The following CEP112 variants were observed in gnomAD, a reference collection of about 807,000 sequenced individuals.
CEP112 encodes the protein centrosomal protein 112.
CEP112 carries 127 observed loss-of-function variants against 153.0 expected under a neutral mutation model. The ratio of observed to expected loss-of-function variants is 0.83; its 90% CI spans 0.72 to 0.96. The LOEUF is 0.96. Ranked by LOEUF, CEP112 falls within the 40% of genes least tolerant of loss-of-function variation. CEP112 has a pLI of 0.00. For synonymous variants in CEP112, 358 were observed against 374.4 expected (o/e 0.96, Z 0.51); for missense variants, 1,089 against 1,101.2 (o/e 0.99, Z 0.16).
intron 21 of CEP112, chr17:65,797,324 A>G (rs2054995195): frequency 6.6e-6 from 1 of 152,186 alleles, no homozygotes; most frequent in South Asian, 2.1e-4. Flanking sequence ...ACTGATTACA[A>G]TGGTAGCTTC....
At chr17:66,168,332 T>C (rs998984370) in intron 4 of CEP112, among the ~76,000 whole-genome samples, 2 of 152,048 alleles carry the variant, frequency 1.3e-5, no homozygotes, top group Non-Finnish European at 2.9e-5. Flanking sequence ...CTATACTTTA[T>C]GTACTTCTTT....
chr17:65,776,367 T>G lies in CEP112; in HGVS notation c.2395-25643A>C, dbSNP rs576319385. Among the ~76,000 whole-genome samples the G allele has an allele frequency of 2.0e-5, 3 of 152,324 alleles. No homozygotes were observed. In the South Asian group the frequency reaches 6.2e-4, roughly 32 times the overall value. On this transcript the variant is annotated intron_variant, in intron 21 of 26. Coordinates refer to ENST00000535342, the MANE Select transcript of CEP112 (RefSeq NM_001199165.4). ...CTCCTGCCTCAGCCTCCCGAGTATCTGGGACTACAGGTGCCTGCCACCACG... is the reference window on the plus strand; with the variant it reads ...CTCCTGCCTCAGCCTCCCGAGTATCGGGGACTACAGGTGCCTGCCACCACG...
At chr17:66,147,897 G>A (rs1181615854) in intron 4 of CEP112, among the ~76,000 whole-genome samples, 1 of 152,132 alleles carries the variant, frequency 6.6e-6, no homozygotes, top group Non-Finnish European at 1.5e-5. Context: ...ACACTGTTTT[G>A]ATAACAGTGG....
At chr17:65,753,850 C>T (rs150755062) in intron 21 of CEP112, among the ~76,000 whole-genome samples, 7 of 152,226 alleles carry the variant, frequency 4.6e-5, no homozygotes, top group South Asian at 2.1e-4. Flanking sequence ...GCTAGAGTCA[C>T]GGATAATAGT....
intron 18 of CEP112, among the ~76,000 whole-genome samples, chr17:65,937,629 C>T (rs1164254407): frequency 2.0e-5 from 2 of 99,838 alleles, no homozygotes; most frequent in African/African-American, 3.4e-5. Context: ...GGGGGTCAGC[C>T]CCCCGCCCGG....
In CEP112 at chr17:65,787,844, A is replaced by T. The variant is rs190065543; in HGVS notation, c.2395-37120T>A. On this transcript the variant is annotated intron_variant, in intron 21 of 26. Coordinates refer to ENST00000535342, the MANE Select transcript of CEP112 (RefSeq NM_001199165.4). ...GGTTTTATGTATAGATTTTATGTAC[A>T]GACAATCATATCATCAGTGAATAAT... 2.6e-5 allele frequency among the ~76,000 whole-genome samples: 4 copies of T among 152,332 alleles called. No individual in the cohort carries two copies. In the East Asian group the frequency reaches 7.7e-4, roughly 29 times the overall value.
chr17:66,068,345 A>T (rs1224525080), intron 9 of CEP112, among the ~76,000 whole-genome samples: 1 of 152,152 alleles, frequency 6.6e-6, no homozygotes, highest in Non-Finnish European at 1.5e-5. Flanking sequence ...AGGCTTACAG[A>T]TCACTTGAGC....
intron 21 of CEP112, among the ~76,000 whole-genome samples, chr17:65,773,179 G>T (rs571390809): frequency 6.6e-6 from 1 of 152,172 alleles, no homozygotes; most frequent in Admixed American, 6.5e-5. Context: ...AGGTACAGAC[G>T]CTTGAGGAAG....
At chr17:65,925,844 C>T (rs1015658788) in intron 19 of CEP112, among the ~76,000 whole-genome samples, 1 of 152,146 alleles carries the variant, frequency 6.6e-6, no homozygotes. Context: ...ATTCTAAAAA[C>T]GACTCAAGAT....
At chr17:65,873,665 T>C (rs2058735774) in intron 20 of CEP112, 1 of 152,208 alleles carries the variant, frequency 6.6e-6, no homozygotes, top group South Asian at 2.1e-4. Context: ...GAAATGCATG[T>C]TGCCATGGAT....
chr17:65,661,223 T>C (rs2046370672), intron 24 of CEP112, among the ~76,000 whole-genome samples: 1 of 152,146 alleles, frequency 6.6e-6, no homozygotes, highest in Non-Finnish European at 1.5e-5. Flanking sequence ...TCTCCATTCT[T>C]ACATAGGACC....
chr17:65,739,087 T>G (rs1354992125), intron 23 of CEP112, among the ~76,000 whole-genome samples: 1 of 152,356 alleles, frequency 6.6e-6, no homozygotes, highest in East Asian at 1.9e-4. Context: ...CATCAGCTAC[T>G]AGGTGAAAAG....
chr17:65,990,859 G>A (rs1451393614), intron 17 of CEP112, among the ~76,000 whole-genome samples: 1 of 152,230 alleles, frequency 6.6e-6, no homozygotes, highest in East Asian at 1.9e-4. Context: ...TGGCCATCTG[G>A]CATGGAGAAA....
At chr17:65,845,295 G>C (rs1294955778) in intron 21 of CEP112, among the ~76,000 whole-genome samples, 1 of 151,882 alleles carries the variant, frequency 6.6e-6, no homozygotes, top group African/African-American at 2.4e-5. Flanking sequence ...CTCCAGTCTG[G>C]GCAACAAGAG....
At chr17:65,756,343 T>C (rs1200838175) in intron 21 of CEP112, among the ~76,000 whole-genome samples, 2 of 141,292 alleles carry the variant, frequency 1.4e-5, no homozygotes, top group Admixed American at 7.9e-5. Context: ...GAAGTGGAGG[T>C]TGCAGCGAGC....
chr17:66,134,133 A>G (rs770335271), intron 4 of CEP112, among the ~76,000 whole-genome samples: 1 of 152,224 alleles, frequency 6.6e-6, no homozygotes, highest in Non-Finnish European at 1.5e-5. Context: ...AGATTAAATA[A>G]TCATAAAAAG....
At position 65,710,085 on chromosome 17, in the gene CEP112, C is replaced by A. The variant is rs142385319; in HGVS notation, c.2608-20867G>T. On this transcript the variant is annotated intron_variant, in intron 23 of 26. Coordinates refer to ENST00000535342, the MANE Select transcript of CEP112 (RefSeq NM_001199165.4). ...CATCTTAACAAAATTCCCAGGTGAC[C>A]TGCAGGCACATTCAGGTGTGAGAAG... Among the ~76,000 whole-genome samples, 255 of 152,300 alleles carry A rather than the reference C, an allele frequency of 1.7e-3. 1 individual carries two copies. Among genetic ancestry groups the A allele is most frequent in the African/African-American group, 3.0e-3 (125 of 41,562 alleles).
At position 65,851,835 on chromosome 17, in the gene CEP112, T is replaced by C; in HGVS notation, c.2363A>G (p.His788Arg). The C allele has an allele frequency of 1.2e-6, 2 of 1,613,954 alleles. No individual in the cohort carries two copies. Among genetic ancestry groups the C allele is most frequent in the South Asian group, 2.2e-5 (2 of 91,034 alleles). ...EKMKIELKKT[H>R]AAETEMTLEK... Reference sequence around the variant, plus strand: ...CAGTGTCATCTCTGTCTCAGCAGCATGAGTCTTTTTCAGCTCTATTTTCAT... The same window carrying C: ...CAGTGTCATCTCTGTCTCAGCAGCACGAGTCTTTTTCAGCTCTATTTTCAT... The change falls in exon 21 of 27, where the codon CAT becomes CGT. Residue 788 changes from histidine to arginine, a missense_variant. Physicochemically the swap from His to Arg is conservative, Grantham distance 29 (BLOSUM62 0). Transcript: ENST00000535342.
At chr17:65,706,074 G>A (rs1217761742) in intron 23 of CEP112, among the ~76,000 whole-genome samples, 1 of 152,192 alleles carries the variant, frequency 6.6e-6, no homozygotes, top group Non-Finnish European at 1.5e-5. Context: ...CAAGCACACA[G>A]GAGTTCATAG....
Sources: gnomAD v4.1 joint callset for allele counts (sites outside exome capture counted in the v4.1 genomes callset) on GRCh38, gnomAD v4.1.1 for gene constraint, MANE v1.5 for transcripts, NCBI Gene and HGNC (gene_info 2026-07-23, HGNC 2026-07-21) for gene names.